The following LRGUK variants were observed in gnomAD, a reference collection of about 807,000 sequenced individuals.
The protein encoded by LRGUK is leucine rich repeats and guanylate kinase domain containing.
LRGUK carries 65 observed loss-of-function variants against 76.0 expected under a neutral mutation model. The ratio of observed to expected loss-of-function variants is 0.85; its 90% confidence interval spans 0.70 to 1.05. The LOEUF (loss-of-function observed/expected upper bound fraction) is 1.05, where lower values mean the gene tolerates loss of function less well. LRGUK is among the 50% of genes least tolerant of loss of function. The pLI is 0.00. For synonymous variants in LRGUK, 268 were observed against 265.6 expected, an observed-to-expected ratio of 1.01 and a Z score of -0.09; for missense variants, 758 against 732.8, an observed-to-expected ratio of 1.03 and a Z score of -0.40.
chr7:134,185,349 C>T (rs1799942229), intron 11 of LRGUK, among the ~76,000 whole-genome samples: 1 of 151,840 alleles, frequency 6.6e-6, no homozygotes, highest in Non-Finnish European at 1.5e-5. Context: ...TCACTTGAAG[C>T]CAGGAGTTCG....
Position 134,163,544 on chromosome 7 carries a change from G to A in LRGUK, c.939+4G>A. On this transcript the variant is annotated splice_donor_region_variant and intron_variant, in intron 7 of 15. Coordinates refer to ENST00000645682, the Ensembl canonical transcript of LRGUK. ...GATCAACCTGGAGGATAATAAGGTA[G>A]TGTTGCACTTCACATGTCTTGGTTT... 6.2e-7 allele frequency: 1 copy of A among 1,605,450 alleles called. No homozygotes were observed. Among genetic ancestry groups the A allele is most frequent in the African/African-American group, 1.3e-5 (1 of 74,858 alleles).
At chr7:134,236,791 C>A (rs2117184611) in intron 16 of LRGUK, among the ~76,000 whole-genome samples, 1 of 152,170 alleles carries the variant, frequency 6.6e-6, no homozygotes, top group Admixed American at 6.5e-5. Context: ...CTTTCAGTGG[C>A]TGGAAGATTT....
intron 5 of LRGUK, among the ~76,000 whole-genome samples, chr7:134,155,660 G>A (rs1312488475): frequency 6.6e-6 from 1 of 152,128 alleles, no homozygotes; most frequent in African/African-American, 2.4e-5. Context: ...ATATAATTTG[G>A]TAATGGTATC....
At chr7:134,163,700 G>T (rs993963304) in intron 7 of LRGUK, among the ~76,000 whole-genome samples, 160 bp downstream of exon 7, 1 of 152,130 alleles carries the variant, frequency 6.6e-6, no homozygotes, top group Non-Finnish European at 1.5e-5. Flanking sequence ...GTTGCAGAAG[G>T]GTTGTTTTTA....
At chr7:134,172,880 C>T (rs892833610) in intron 7 of LRGUK, among the ~76,000 whole-genome samples, 2 of 151,716 alleles carry the variant, frequency 1.3e-5, no homozygotes, top group Non-Finnish European at 2.9e-5. Flanking sequence ...ACTCGGGGGT[C>T]GGGGGCTGAG....
At chr7:134,127,753 C>G in intron 1 of LRGUK, 89 bp downstream of exon 1, 1 of 1,420,210 alleles carries the variant, frequency 7.0e-7, no homozygotes, top group Non-Finnish European at 9.5e-7. Context: ...CCCCACCAGC[C>G]CGAAGCTTCC....
chr7:134,163,337 C>A, intron 6 of LRGUK, 60 bp from the exon 7 acceptor site: 1 of 1,463,076 alleles, frequency 6.8e-7, no homozygotes, highest in Non-Finnish European at 9.2e-7. Context: ...TGAAAACTTG[C>A]CATTACAACT....
At chr7:134,251,482 T>C (rs1210389845) in intron 18 of LRGUK, among the ~76,000 whole-genome samples, 1 of 152,190 alleles carries the variant, frequency 6.6e-6, no homozygotes, top group East Asian at 1.9e-4. Flanking sequence ...AGACAATCAA[T>C]TTCCATTGTT....
chr7:134,146,730 G>A (rs17167501), intron 4 of LRGUK, among the ~76,000 whole-genome samples: 19,689 of 152,056 alleles, frequency 0.13, 1,611 homozygotes, highest in East Asian at 0.32. Flanking sequence ...AGTATTTACT[G>A]TATAAAGTTT....
At chr7:134,141,398 G>A (rs1797759115) in intron 3 of LRGUK, among the ~76,000 whole-genome samples, 1 of 152,134 alleles carries the variant, frequency 6.6e-6, no homozygotes, top group Non-Finnish European at 1.5e-5. Context: ...TGAGGCTGAT[G>A]CTGCTGGTCC....
chr7:134,275,148 C>G, the LRGUK span, among the ~76,000 whole-genome samples: 1 of 151,916 alleles, frequency 6.6e-6, no homozygotes, highest in Admixed American at 6.6e-5. Context: ...CCTGTCTTTC[C>G]CATTCCCACA....
intron 6 of LRGUK, among the ~76,000 whole-genome samples, chr7:134,163,045 A>G (rs974953159): frequency 2.6e-5 from 4 of 152,176 alleles, no homozygotes; most frequent in African/African-American, 9.7e-5. Context: ...CATTAAATTT[A>G]TGTTTCTAGT....
At chr7:134,182,053 A>G (rs1427015182) in intron 10 of LRGUK, among the ~76,000 whole-genome samples, 1 of 152,150 alleles carries the variant, frequency 6.6e-6, no homozygotes, top group Non-Finnish European at 1.5e-5. Flanking sequence ...CCCTGTCTCT[A>G]TCTATAATGC....
intron 7 of LRGUK, 84 bp from the exon 8 acceptor site, chr7:134,174,472 A>C: frequency 3.7e-6 from 3 of 808,404 alleles, no homozygotes; most frequent in Non-Finnish European, 6.2e-6. Flanking sequence ...AATTTAAAGG[A>C]CCCAAACTGG....
intron 19 of LRGUK, among the ~76,000 whole-genome samples, chr7:134,263,510 T>A (rs1218634830): frequency 6.9e-6 from 1 of 144,704 alleles, no homozygotes; most frequent in Non-Finnish European, 1.6e-5. Flanking sequence ...GAGTGCTTGC[T>A]GTAGCATCCT....
At chr7:134,198,127 C>T (rs958626766) in intron 13 of LRGUK, among the ~76,000 whole-genome samples, 3 of 152,164 alleles carry the variant, frequency 2.0e-5, no homozygotes, top group Non-Finnish European at 4.4e-5. Context: ...CTTTAACTTT[C>T]CTGACGTAGA....
intron 16 of LRGUK, among the ~76,000 whole-genome samples, chr7:134,222,615 G>A (rs796367331): frequency 2.1e-5 from 3 of 144,860 alleles, no homozygotes; most frequent in African/African-American, 7.6e-5. Flanking sequence ...TTTTTGTTTT[G>A]TTTTTTTTTT....
chr7:134,136,794 C>A (rs1797558356), intron 1 of LRGUK, among the ~76,000 whole-genome samples: 1 of 152,122 alleles, frequency 6.6e-6, no homozygotes, highest in Non-Finnish European at 1.5e-5. Context: ...ATGCAAGTGA[C>A]CACCTGAAAA....
intron 15 of LRGUK, among the ~76,000 whole-genome samples, chr7:134,205,224 G>A (rs964192021): frequency 1.3e-5 from 2 of 152,238 alleles, no homozygotes; most frequent in Non-Finnish European, 2.9e-5. Context: ...TGATTGGTGC[G>A]TTTTACAGAG....
Sources: gnomAD v4.1 joint callset for allele counts (sites outside exome capture counted in the v4.1 genomes callset) on GRCh38, gnomAD v4.1.1 for gene constraint, MANE v1.5 for transcripts, NCBI Gene and HGNC (gene_info 2026-07-23, HGNC 2026-07-21) for gene names.